The following CDKAL1 variants were observed in gnomAD, a reference collection of about 807,000 sequenced individuals.
CDKAL1 encodes CDKAL1 threonylcarbamoyladenosine tRNA methylthiotransferase.
A neutral mutation model predicts 68.2 loss-of-function variants in CDKAL1; 32 were observed. The ratio of observed to expected loss-of-function variants is 0.47; its 90% CI spans 0.35 to 0.63. The LOEUF is 0.63. CDKAL1 is among the 30% of genes least tolerant of loss of function. The pLI is 0.00. For missense variants in CDKAL1, 606 were observed against 696.7 expected (o/e 0.87, Z 1.47); for synonymous variants, 234 against 244.3 (o/e 0.96, Z 0.39).
rs201718303 is a variant in CDKAL1 at position 21,081,572 on chromosome 6, CTTT to C, written c.1236+16359_1236+16361del. On this transcript the variant is annotated intron_variant, in intron 12 of 15. Transcript: ENST00000274695. Reference sequence around the variant, plus strand: ...GATAAAGAACCTTATAATGATATATCTTTTTTTTTTTTTTTTTGAGATGGAGTC... The same window carrying C: ...GATAAAGAACCTTATAATGATATATCTTTTTTTTTTTTTTGAGATGGAGTC... Among the ~76,000 whole-genome samples the C allele has an allele frequency of 5.1e-5, 7 of 137,416 alleles. No individual in the cohort carries two copies. In the East Asian group the frequency reaches 1.1e-3, roughly 21 times the overall value. 90.2% of individuals were successfully genotyped at this position (137,416 alleles called of 152,430 possible). A position where few individuals can be genotyped will look rare whatever the true frequency, so the allele number is the denominator to read the frequency against.
intron 11 of CDKAL1, among the ~76,000 whole-genome samples, chr6:21,059,787 A>G (rs984312653): frequency 2.0e-5 from 3 of 152,060 alleles, no homozygotes; most frequent in Non-Finnish European, 4.4e-5. Context: ...AGTACCTTTT[A>G]GGGTACAAGT....
chr6:21,192,544 T>TTCAGAGAGCTACAATCAAGTTACTACAA lies in CDKAL1; in HGVS notation c.1300-5472_1300-5445dup, dbSNP rs559942577. Reference sequence around the variant, plus strand: ...TCTGAAGGTAAGAATTGTCCCTTACTTCAGAGAGCTACAATCAAGTTACTA... The same window carrying TTCAGAGAGCTACAATCAAGTTACTACAA: ...TCTGAAGGTAAGAATTGTCCCTTACTTCAGAGAGCTACAATCAAGTTACTACAATCAGAGAGCTACAATCAAGTTACTA... On this transcript the variant is annotated intron_variant, in intron 13 of 15. Transcript: ENST00000274695. Among the ~76,000 whole-genome samples the TTCAGAGAGCTACAATCAAGTTACTACAA allele has an allele frequency of 8.7e-3, 1,322 of 152,236 alleles. 13 individuals carry two copies. Among genetic ancestry groups the TTCAGAGAGCTACAATCAAGTTACTACAA allele is most frequent in the African/African-American group, 0.03 (1,225 of 41,506 alleles).
intron 8 of CDKAL1, among the ~76,000 whole-genome samples, chr6:20,814,276 C>T (rs1776948625): frequency 6.6e-6 from 1 of 151,800 alleles, no homozygotes; most frequent in Non-Finnish European, 1.5e-5. Flanking sequence ...TTGTATTCTC[C>T]CACCTTCCTA....
chr6:21,087,671 G>A (rs984749979), intron 12 of CDKAL1, among the ~76,000 whole-genome samples: 3 of 152,250 alleles, frequency 2.0e-5, no homozygotes, highest in Admixed American at 1.3e-4. Flanking sequence ...GCTCCTGGGA[G>A]AGCATTTTAT....
intron 9 of CDKAL1, among the ~76,000 whole-genome samples, chr6:20,932,187 AT>A (rs1763493916): frequency 6.6e-6 from 1 of 152,150 alleles, no homozygotes; most frequent in Non-Finnish European, 1.5e-5. Context: ...TAAGGAGGAG[AT>A]TTTAAAAGTT....
At chr6:20,845,194 GT>G (rs1200611529) in intron 8 of CDKAL1, among the ~76,000 whole-genome samples, 1 of 152,098 alleles carries the variant, frequency 6.6e-6, no homozygotes, top group Non-Finnish European at 1.5e-5. Flanking sequence ...GTGTACTATG[GT>G]CTTTTTAAAG....
chr6:21,052,544 T>G (rs184048628), intron 11 of CDKAL1, among the ~76,000 whole-genome samples: 4 of 151,358 alleles, frequency 2.6e-5, no homozygotes, highest in African/African-American at 4.8e-5. Context: ...GTTGTTTTTT[T>G]TTTTTTTTTG....
At chr6:20,751,733 A>C (rs1690948032) in intron 6 of CDKAL1, among the ~76,000 whole-genome samples, 1 of 152,088 alleles carries the variant, frequency 6.6e-6, no homozygotes, top group Non-Finnish European at 1.5e-5. Context: ...TTATACACCA[A>C]CTCCTTTCTT....
intron 4 of CDKAL1, chr6:20,558,516 CTT>C (rs1462402488): frequency 2.2e-6 from 1 of 456,664 alleles, no homozygotes; most frequent in South Asian, 1.5e-5. Context: ...TAGACAGACT[CTT>C]TTTGACCAGA....
chr6:20,586,173 G>A (rs1458038630), intron 4 of CDKAL1, among the ~76,000 whole-genome samples: 1 of 152,134 alleles, frequency 6.6e-6, no homozygotes. Flanking sequence ...TGTGGTCTAA[G>A]CCAGCATCAT....
In CDKAL1 at chr6:21,014,855, T is replaced by G. The variant is rs544427735; in HGVS notation, c.1055+14483T>G. Among the ~76,000 whole-genome samples the G allele has an allele frequency of 9.2e-5, 14 of 152,366 alleles. No individual in the cohort carries two copies. The South Asian group carries it at 2.7e-3, about 29-fold the overall frequency. On this transcript the variant is annotated intron_variant, in intron 11 of 15. Transcript: ENST00000274695. ...AATATTTTGAAGATTATCAGCTGTCTGTGTTGAGTGACTATCAGAAAATTT... is the reference window on the plus strand; with the variant it reads ...AATATTTTGAAGATTATCAGCTGTCGGTGTTGAGTGACTATCAGAAAATTT...
chr6:20,976,188 G>T (rs1765837853), intron 10 of CDKAL1, among the ~76,000 whole-genome samples: 1 of 151,766 alleles, frequency 6.6e-6, no homozygotes, highest in Non-Finnish European at 1.5e-5. Context: ...GCCTTTTTCT[G>T]GCCTCAGAAC....
At chr6:20,865,439 A>G (rs1008514641) in intron 9 of CDKAL1, among the ~76,000 whole-genome samples, 1 of 152,148 alleles carries the variant, frequency 6.6e-6, no homozygotes, top group Non-Finnish European at 1.5e-5. Context: ...TAGCTGTTGC[A>G]AAAAGATTAA....
chr6:21,202,255 G>C (rs540359202), intron 15 of CDKAL1, among the ~76,000 whole-genome samples: 3 of 152,254 alleles, frequency 2.0e-5, no homozygotes, highest in South Asian at 4.2e-4. Flanking sequence ...GCCCATGAAG[G>C]ATCTGCGTGC....
At chr6:20,737,202 A>G (rs1773235458) in intron 5 of CDKAL1, among the ~76,000 whole-genome samples, 1 of 152,018 alleles carries the variant, frequency 6.6e-6, no homozygotes, top group Non-Finnish European at 1.5e-5. Flanking sequence ...ATCCTCCTAG[A>G]TTTCCTCATG....
chr6:20,784,078 C>T lies in CDKAL1; in HGVS notation c.638+2813C>T, dbSNP rs149268469. ...AAATACAAAAATTAGCTGGGCGTGG[C>T]GGCGCGTGCCTGTAATCCTAGCTAC... On this transcript the variant is annotated intron_variant, in intron 8 of 15. Transcript: ENST00000274695. Among the ~76,000 whole-genome samples the T allele has an allele frequency of 2.4e-4, 36 of 151,884 alleles. 1 individual carries two copies. Among genetic ancestry groups the T allele is most frequent in the African/African-American group, 7.0e-4 (29 of 41,444 alleles).
chr6:20,586,997 TTTTTTTG>T (rs1765392238), intron 4 of CDKAL1, among the ~76,000 whole-genome samples: 1 of 146,804 alleles, frequency 6.8e-6, no homozygotes, highest in South Asian at 2.2e-4. Flanking sequence ...TTTTTTTTTT[TTTTTTTG>T]AGACGGAGTT....
intron 4 of CDKAL1, among the ~76,000 whole-genome samples, chr6:20,597,254 G>A (rs370015780): frequency 7.3e-5 from 11 of 151,312 alleles, no homozygotes; most frequent in African/African-American, 1.9e-4. Context: ...TCAGCCTCCC[G>A]AGTAGCTGGG....
chr6:20,984,510 G>A (rs969468364), intron 10 of CDKAL1, among the ~76,000 whole-genome samples: 2 of 152,176 alleles, frequency 1.3e-5, no homozygotes, highest in African/African-American at 4.8e-5. Context: ...GCTAAGTGGA[G>A]GGTGCACACA....
Sources: gnomAD v4.1 joint callset for allele counts (sites outside exome capture counted in the v4.1 genomes callset) on GRCh38, gnomAD v4.1.1 for gene constraint, MANE v1.5 for transcripts, NCBI Gene and HGNC (gene_info 2026-07-23, HGNC 2026-07-21) for gene names.